DNAH14: variants seen among roughly 807,000 people sequenced by gnomAD.
The protein encoded by DNAH14 is axonemal beta dynein heavy chain 14.
DNAH14 carries 478 observed loss-of-function variants against 520.9 expected under a neutral mutation model. The ratio of observed to expected loss-of-function variants is 0.92; its 90% CI spans 0.85 to 0.99. The LOEUF is 0.99. DNAH14 is among the 50% of genes least tolerant of loss of function. The pLI is 0.00. For missense variants in DNAH14, 4,831 were observed against 5,234.5 expected (o/e 0.92, Z 2.38); for synonymous variants, 1,581 against 1,757.2 (o/e 0.90, Z 2.51).
At chr1:225,121,406 C>T (rs1430014472) in intron 26 of DNAH14, among the ~76,000 whole-genome samples, 5 of 152,138 alleles carry the variant, frequency 3.3e-5, no homozygotes, top group Non-Finnish European at 7.3e-5. Flanking sequence ...TTCCTCATCC[C>T]TCCCCACTTT....
intron 22 of DNAH14, 104 bp downstream of exon 22, chr1:225,097,343 A>C: frequency 8.8e-7 from 1 of 1,134,796 alleles, no homozygotes; most frequent in Non-Finnish European, 1.2e-6. Context: ...AAACTATCTT[A>C]TCCTACCTAC....
chr1:225,242,917 G>A (rs1025936868), intron 43 of DNAH14, among the ~76,000 whole-genome samples: 2 of 152,134 alleles, frequency 1.3e-5, no homozygotes, highest in Admixed American at 6.5e-5. Flanking sequence ...TAATCTTATG[G>A]TAACATCATT....
chr1:225,200,599 G>A (rs1011747681), intron 38 of DNAH14, among the ~76,000 whole-genome samples: 4 of 152,074 alleles, frequency 2.6e-5, no homozygotes, highest in Middle Eastern at 3.4e-3. Flanking sequence ...GACTGTATCT[G>A]TCCTTCATTT....
intron 35 of DNAH14, among the ~76,000 whole-genome samples, chr1:225,159,841 T>A (rs575635758): frequency 6.6e-6 from 1 of 152,286 alleles, no homozygotes; most frequent in South Asian, 2.1e-4. Context: ...AAACTTAAAT[T>A]GTAAATATTC....
chr1:224,935,125 A>T (rs1220488038), intron 1 of DNAH14, among the ~76,000 whole-genome samples: 2 of 151,920 alleles, frequency 1.3e-5, no homozygotes, highest in Non-Finnish European at 2.9e-5. Context: ...CACTCAAATG[A>T]TACCACTGCA....
chr1:224,938,532 A>T (rs2059191090), intron 1 of DNAH14, among the ~76,000 whole-genome samples: 1 of 152,226 alleles, frequency 6.6e-6, no homozygotes, highest in South Asian at 2.1e-4. Flanking sequence ...TCAAAAAGAC[A>T]GGCAATAACA....
At position 225,346,553 on chromosome 1, in the gene DNAH14, A is replaced by G; in HGVS notation, c.11195A>G (p.Gln3732Arg). The G allele has an allele frequency of 6.4e-7, 1 of 1,551,138 alleles. No individual in the cohort carries two copies. The highest frequency in any genetic ancestry group is 8.7e-7 in the Non-Finnish European group (1 of 1,146,588). ...AACAATGCTAATGGAAATCTAATAC[A>G]GGATGACATTGGATTCCTACCAGAA... ...MQNNANGNLI[Q>R]DDIGFLPEEE... The change falls in exon 71 of 86, where the codon CAG (glutamine) becomes CGG (arginine). Residue 3732 changes from glutamine (Q) to arginine (R), a missense_variant. Coordinates refer to ENST00000682510, the MANE Select transcript of DNAH14 (RefSeq NM_001367479.1).
At chr1:225,135,281 G>T (rs960287760) in intron 27 of DNAH14, among the ~76,000 whole-genome samples, 3 of 152,112 alleles carry the variant, frequency 2.0e-5, no homozygotes, top group Admixed American at 6.6e-5. Context: ...GCTTTCTGAT[G>T]TGGGCATTTA....
chr1:225,115,611 C>A (rs955019180), intron 23 of DNAH14, among the ~76,000 whole-genome samples: 1 of 152,034 alleles, frequency 6.6e-6, no homozygotes, highest in Non-Finnish European at 1.5e-5. Context: ...CCATATAGGC[C>A]CTCTTCTATT....
In DNAH14 at chr1:225,340,473, GA is replaced by G. The variant is rs1558457754; in HGVS notation, c.10453del (p.Ile3485Ter). On this transcript the variant is annotated frameshift_variant, in exon 69 of 86. Coordinates refer to ENST00000682510, the MANE Select transcript of DNAH14 (RefSeq NM_001367479.1). LOFTEE classifies it high-confidence loss of function. The stretch of plus-strand genomic sequence containing the variant: ...CATGTTCAGGTTATACTTATCTACA[GA>G]AATAGACAACCCCCATTTTCTTCCA... ...NSNFRLYLST[E>X]IDNPHFLPSV... 1 of 1,550,616 alleles carries G rather than the reference GA, an allele frequency of 6.4e-7. No individual in the cohort carries two copies. Among genetic ancestry groups the G allele is most frequent in the Non-Finnish European group, 8.7e-7 (1 of 1,146,368 alleles).
chr1:224,968,048 G>C, intron 6 of DNAH14: 1 of 785,028 alleles, frequency 1.3e-6, no homozygotes, highest in Non-Finnish European at 1.6e-6. Context: ...TTTAATGTCT[G>C]TCTGCCTTTT....
In DNAH14 at chr1:225,276,967, AAGGAAGGAAGGAAGGAAGGGAGGG is replaced by A. The variant is rs1181653447; in HGVS notation, c.8179-431_8179-408del. 1.4e-3 allele frequency among the ~76,000 whole-genome samples: 75 copies of A among 53,988 alleles called. 2 individuals carry two copies. The East Asian group carries it at 0.022, about 16-fold the overall frequency. 35.4% of individuals were successfully genotyped at this position (53,988 alleles called of 152,430 possible). On this transcript the variant is annotated intron_variant, in intron 53 of 85. Transcript: ENST00000682510. ...AAAGGAAGGAAGGAAGGAAGGAAGG[AAGGAAGGAAGGAAGGAAGGGAGGG>A]AGGAAGGAAGGGAGGGAGGGAGGGA...
intron 23 of DNAH14, among the ~76,000 whole-genome samples, chr1:225,107,725 T>G (rs1328262473): frequency 6.6e-6 from 1 of 152,154 alleles, no homozygotes; most frequent in African/African-American, 2.4e-5. Flanking sequence ...CAAACTGTTC[T>G]CCATAGTGGT....
chr1:225,209,156 A>G (rs1423246322), intron 41 of DNAH14, among the ~76,000 whole-genome samples: 1 of 152,166 alleles, frequency 6.6e-6, no homozygotes, highest in Non-Finnish European at 1.5e-5. Context: ...TATGTCTCAT[A>G]ATTTTTAATT....
At chr1:225,123,265 C>T (rs1026510408) in intron 26 of DNAH14, among the ~76,000 whole-genome samples, 11 of 152,162 alleles carry the variant, frequency 7.2e-5, no homozygotes, top group African/African-American at 2.7e-4. Context: ...TATGCGTCAT[C>T]TCTTTTTATA....
chr1:225,066,926 T>G (rs1457363836), intron 17 of DNAH14, among the ~76,000 whole-genome samples: 1 of 152,124 alleles, frequency 6.6e-6, no homozygotes, highest in Non-Finnish European at 1.5e-5. Flanking sequence ...GTTTCCATAT[T>G]TCTGCAATTG....
intron 75 of DNAH14, among the ~76,000 whole-genome samples, chr1:225,362,238 A>G (rs2095500200): frequency 6.6e-6 from 1 of 152,210 alleles, no homozygotes; most frequent in Admixed American, 6.5e-5. Context: ...AATTAATGAT[A>G]CATTAAAAAT....
At chr1:225,098,880 G>A (rs981673768) in intron 22 of DNAH14, among the ~76,000 whole-genome samples, 1 of 152,164 alleles carries the variant, frequency 6.6e-6, no homozygotes, top group Admixed American at 6.5e-5. Flanking sequence ...GGATTCTGAA[G>A]GCATCTATCT....
Position 225,287,342 on chromosome 1 carries a change from T to C in DNAH14, c.8272-2543T>C, listed in dbSNP as rs912435958. On this transcript the variant is annotated intron_variant, in intron 54 of 85. Transcript: ENST00000682510. The stretch of plus-strand genomic sequence containing the variant: ...AGGATTAGGGGAAAAGGAGCCAATA[T>C]AAAAAGTGGTTTGGGGGTAAAGTTA... Among the ~76,000 whole-genome samples the C allele has an allele frequency of 3.9e-5, 6 of 152,118 alleles. No homozygotes were observed. The East Asian group carries it at 1.2e-3, about 29-fold the overall frequency.
Sources: gnomAD v4.1 joint callset for allele counts (sites outside exome capture counted in the v4.1 genomes callset) on GRCh38, gnomAD v4.1.1 for gene constraint, MANE v1.5 for transcripts, NCBI Gene and HGNC (gene_info 2026-07-23, HGNC 2026-07-21) for gene names.